BANK1: variants seen among roughly 807,000 people sequenced by gnomAD.
BANK1 encodes the protein B cell scaffold protein with ankyrin repeats 1, also known as B-cell scaffold protein with ankyrin repeats.
In BANK1, 95 loss-of-function variants were observed where a neutral mutation model predicts 94.5. That is an observed-to-expected ratio of 1.00 (90% CI 0.85 to 1.19). The LOEUF is 1.19. BANK1 is among the 50% of genes most tolerant of loss of function. BANK1 has a pLI of 0.00. For synonymous variants in BANK1, 334 were observed against 308.4 expected (o/e 1.08, Z -0.87); for missense variants, 987 against 932.2 (o/e 1.06, Z -0.77).
chr4:101,900,189 A>T (rs1234826650), intron 6 of BANK1, among the ~76,000 whole-genome samples: 3 of 152,204 alleles, frequency 2.0e-5, no homozygotes, highest in African/African-American at 4.8e-5. Context: ...CCACTCTTCT[A>T]GGTGCTCCAG....
intron 7 of BANK1, among the ~76,000 whole-genome samples, chr4:101,989,014 A>G (rs1430392489): frequency 6.6e-6 from 1 of 152,182 alleles, no homozygotes; most frequent in Non-Finnish European, 1.5e-5. Flanking sequence ...ATATAACATT[A>G]TATAACAGTT....
chr4:101,828,122 T>G (rs185960088), intron 1 of BANK1, among the ~76,000 whole-genome samples: 2 of 144,106 alleles, frequency 1.4e-5, no homozygotes, highest in African/African-American at 5.4e-5. Flanking sequence ...GGGGCTTTTT[T>G]CCAGAATTAA....
chr4:102,007,081 A>AATAT (rs1227368517), intron 7 of BANK1, among the ~76,000 whole-genome samples: 2 of 64,908 alleles, frequency 3.1e-5, no homozygotes, highest in Admixed American at 3.0e-4. Context: ...TATATATATA[A>AATAT]ATATATATAT....
intron 2 of BANK1, among the ~76,000 whole-genome samples, chr4:101,852,503 T>TATATATAC (rs1448887346): frequency 3.1e-4 from 25 of 80,174 alleles, no homozygotes; most frequent in African/African-American, 8.2e-4. Context: ...TATATATATA[T>TATATATAC]ACACACACAC....
intron 7 of BANK1, among the ~76,000 whole-genome samples, chr4:101,931,784 G>A (rs1196597337): frequency 2.0e-5 from 3 of 151,530 alleles, no homozygotes. Context: ...ACAGTTTGTT[G>A]TTGGAGCTGA....
In BANK1 at chr4:102,043,892, C is replaced by T; in HGVS notation, c.1954C>T (p.Leu652Phe). The T allele has an allele frequency of 6.3e-7, 1 of 1,594,544 alleles. No individual in the cohort carries two copies. Among genetic ancestry groups the T allele is most frequent in the Non-Finnish European group, 8.6e-7 (1 of 1,164,324 alleles). Residue 652 changes from leucine to phenylalanine, a missense_variant, in exon 11 of 17, where the codon CTT becomes TTT. By Grantham distance (22) the Leu-to-Phe change is conservative. Coordinates refer to ENST00000322953, the MANE Select transcript of BANK1 (RefSeq NM_017935.5). ...ATCTGATGATGACAAGTTCTGTGGTCTTCCTAAGAAACAAGGTACTAACAC... is the reference window on the plus strand; with the variant it reads ...ATCTGATGATGACAAGTTCTGTGGTTTTCCTAAGAAACAAGGTACTAACAC... Reference protein sequence around the residue: ...RQSDDDKFCGLPKKQDRARIE... With the variant: ...RQSDDDKFCGFPKKQDRARIE...
intron 7 of BANK1, among the ~76,000 whole-genome samples, chr4:102,007,148 A>ATATATATATATATATATATATATATC (rs1726329632): frequency 8.3e-5 from 1 of 12,032 alleles, no homozygotes; most frequent in East Asian, 1.7e-3. Flanking sequence ...AATATATTTT[A>ATATATATATATATATATATATATATC]TATATATATA....
At chr4:101,960,681 G>T (rs1038390401) in intron 7 of BANK1, among the ~76,000 whole-genome samples, 3 of 152,118 alleles carry the variant, frequency 2.0e-5, no homozygotes, top group African/African-American at 4.8e-5. Flanking sequence ...CTTTCTTTTC[G>T]TTGTTTCGTC....
chr4:101,791,911 A>C (rs1251763948), intron 1 of BANK1, among the ~76,000 whole-genome samples: 1 of 152,198 alleles, frequency 6.6e-6, no homozygotes, highest in Non-Finnish European at 1.5e-5. Context: ...CCCATAACTT[A>C]ATATTATTAA....
At chr4:101,839,541 A>G (rs1726953712) in intron 2 of BANK1, among the ~76,000 whole-genome samples, 1 of 152,114 alleles carries the variant, frequency 6.6e-6, no homozygotes, top group Non-Finnish European at 1.5e-5. Flanking sequence ...CTTATTCAAC[A>G]TTACTTTTTA....
chr4:101,948,291 T>C (rs891763528), intron 7 of BANK1, among the ~76,000 whole-genome samples: 3 of 152,096 alleles, frequency 2.0e-5, no homozygotes, highest in Non-Finnish European at 4.4e-5. Flanking sequence ...AGTGATGCTA[T>C]TGGTGTCATG....
intron 7 of BANK1, among the ~76,000 whole-genome samples, chr4:101,959,579 A>G (rs1724495094): frequency 2.0e-5 from 3 of 152,240 alleles, no homozygotes; most frequent in Admixed American, 2.0e-4. Flanking sequence ...GGCAATATCC[A>G]TGCAAAGATT....
intron 6 of BANK1, among the ~76,000 whole-genome samples, chr4:101,903,063 C>G (rs1405551816): frequency 6.6e-6 from 1 of 152,162 alleles, no homozygotes; most frequent in African/African-American, 2.4e-5. Flanking sequence ...ATTACAGTTA[C>G]AAGCTCTGCT....
At chr4:102,040,714 C>G (rs1206960590) in intron 10 of BANK1, among the ~76,000 whole-genome samples, 1 of 151,984 alleles carries the variant, frequency 6.6e-6, no homozygotes, top group Non-Finnish European at 1.5e-5. Flanking sequence ...ATATTTTCCT[C>G]AAAACATAGC....
At chr4:101,934,539 G>A (rs146714306) in intron 7 of BANK1, among the ~76,000 whole-genome samples, 1 of 151,610 alleles carries the variant, frequency 6.6e-6, no homozygotes, top group African/African-American at 2.4e-5. Context: ...CTACTCCTTT[G>A]TCTTGAGATT....
At chr4:101,833,111 C>T (rs1726689210) in intron 2 of BANK1, among the ~76,000 whole-genome samples, 1 of 151,006 alleles carries the variant, frequency 6.6e-6, no homozygotes, top group Non-Finnish European at 1.5e-5. Flanking sequence ...TCCTGAGTAG[C>T]TGGGATTACA....
chr4:101,920,404 T>G (rs1722964709), intron 7 of BANK1, among the ~76,000 whole-genome samples: 2 of 151,950 alleles, frequency 1.3e-5, no homozygotes, highest in South Asian at 4.1e-4. Flanking sequence ...ATACTGTTAT[T>G]TAAGTCTTTT....
At chr4:101,855,224 ATTGTGTTATGGTGGTGGTGGTGGTTG>A (rs1227659393) in intron 3 of BANK1, 35 bp downstream of exon 3, 3 of 1,592,406 alleles carry the variant, frequency 1.9e-6, no homozygotes, top group Non-Finnish European at 2.6e-6. Context: ...AAGTGACCCC[ATTGTGTTATGGTGGTGGTGGTGGTTG>A]TTGTTGTTTG....
At chr4:101,872,412 G>C (rs1428300706) in intron 5 of BANK1, among the ~76,000 whole-genome samples, 1 of 152,118 alleles carries the variant, frequency 6.6e-6, no homozygotes, top group African/African-American at 2.4e-5. Flanking sequence ...AGAAGGAAAG[G>C]CTGCACTTGA....
Sources: gnomAD v4.1 joint callset for allele counts (sites outside exome capture counted in the v4.1 genomes callset) on GRCh38, gnomAD v4.1.1 for gene constraint, MANE v1.5 for transcripts, NCBI Gene and HGNC (gene_info 2026-07-23, HGNC 2026-07-21) for gene names.